The following SHISA9 variants were observed in gnomAD, a reference collection of about 807,000 sequenced individuals.
SHISA9 encodes shisa family member 9.
In SHISA9, 13 loss-of-function variants were observed where a neutral mutation model predicts 38.0. The observed-to-expected ratio is 0.34, with a 90% CI of 0.22 to 0.54. The LOEUF (loss-of-function observed/expected upper bound fraction) is 0.54, where lower values mean the gene tolerates loss of function less well. Among genes scored for constraint, SHISA9 ranks in the 20% least tolerant of loss-of-function variants. SHISA9 has a pLI of 0.91. For missense variants in SHISA9, 538 were observed against 575.8 expected (o/e 0.93, Z 0.67); for synonymous variants, 275 against 242.0 (o/e 1.14, Z -1.27).
intron 2 of SHISA9, among the ~76,000 whole-genome samples, chr16:12,926,361 A>G (rs909947735): frequency 1.3e-5 from 2 of 152,138 alleles, no homozygotes; most frequent in Non-Finnish European, 2.9e-5. Context: ...ACCAACCGAG[A>G]TAAAGTCACC....
chr16:12,946,052 A>C (rs2071684719), intron 2 of SHISA9, among the ~76,000 whole-genome samples: 1 of 152,186 alleles, frequency 6.6e-6, no homozygotes, highest in African/African-American at 2.4e-5. Flanking sequence ...AGGTTGTTAC[A>C]TGAGTTGGCT....
the SHISA9 span, among the ~76,000 whole-genome samples, chr16:13,368,010 CT>C: frequency 4.1e-4 from 63 of 152,296 alleles, no homozygotes; most frequent in African/African-American, 1.4e-3. Context: ...CACCCACTAA[CT>C]CGTCATCTAG....
At chr16:13,467,878 A>G in the SHISA9 span, among the ~76,000 whole-genome samples, 15 of 152,324 alleles carry the variant, frequency 9.8e-5, no homozygotes, top group South Asian at 4.1e-4. Flanking sequence ...AAAAGTGGAA[A>G]CACTTCAGGA....
intron 2 of SHISA9, among the ~76,000 whole-genome samples, chr16:12,982,185 C>T (rs945516490): frequency 9.8e-5 from 15 of 152,312 alleles, no homozygotes; most frequent in South Asian, 6.2e-4. Flanking sequence ...ACTTCTGCCT[C>T]GAGAGCTCAC....
intron 2 of SHISA9, among the ~76,000 whole-genome samples, chr16:12,956,669 C>T (rs778624447): frequency 5.9e-5 from 9 of 152,072 alleles, no homozygotes; most frequent in Non-Finnish European, 1.0e-4. Flanking sequence ...GGGAGGTAAA[C>T]AATGGGTAGA....
the SHISA9 span, among the ~76,000 whole-genome samples, chr16:13,294,993 T>C: frequency 1.7e-3 from 259 of 152,244 alleles, 2 homozygotes; most frequent in Non-Finnish European, 1.5e-3. Context: ...GCTTTTGTGG[T>C]AGGTATTATT....
At chr16:13,108,918 G>C (rs1008212151) in intron 2 of SHISA9, among the ~76,000 whole-genome samples, 1 of 152,180 alleles carries the variant, frequency 6.6e-6, no homozygotes. Flanking sequence ...ACCTTCCAGA[G>C]CGTGCTGAGC....
the SHISA9 span, among the ~76,000 whole-genome samples, chr16:13,369,224 C>T: frequency 6.6e-6 from 1 of 151,900 alleles, no homozygotes; most frequent in Non-Finnish European, 1.5e-5. Context: ...AAGGATATAA[C>T]ATTGTGGATA....
At chr16:13,183,533 T>G (rs570407805) in intron 2 of SHISA9, among the ~76,000 whole-genome samples, 1 of 152,358 alleles carries the variant, frequency 6.6e-6, no homozygotes, top group East Asian at 1.9e-4. Context: ...TTGTAGTTTC[T>G]TTGGACAGAA....
the SHISA9 span, among the ~76,000 whole-genome samples, chr16:13,472,628 G>T: frequency 0.036 from 5,529 of 151,918 alleles, 149 homozygotes; most frequent in African/African-American, 0.073. Flanking sequence ...TCCTGACCTC[G>T]TGATCCGCCC....
At chr16:13,482,818 G>GA in the SHISA9 span, among the ~76,000 whole-genome samples, 2 of 127,524 alleles carry the variant, frequency 1.6e-5, no homozygotes, top group Non-Finnish European at 3.3e-5. Flanking sequence ...AAAAAAAAAA[G>GA]AGAGAGAGAG....
chr16:13,168,665 G>A (rs1215403864), intron 2 of SHISA9, among the ~76,000 whole-genome samples: 1 of 152,222 alleles, frequency 6.6e-6, no homozygotes, highest in Non-Finnish European at 1.5e-5. Context: ...GGAGCAGCTA[G>A]CGAGCTGGGA....
the SHISA9 span, among the ~76,000 whole-genome samples, chr16:13,451,714 A>C: frequency 2.6e-5 from 4 of 152,354 alleles, no homozygotes; most frequent in South Asian, 8.3e-4. Context: ...AAAGGAGGAC[A>C]GCATAATGAT....
At chr16:13,372,444 T>A in the SHISA9 span, among the ~76,000 whole-genome samples, 2 of 152,152 alleles carry the variant, frequency 1.3e-5, no homozygotes, top group Admixed American at 6.5e-5. Flanking sequence ...AGGAACAAAG[T>A]CTTAGGTCTA....
At chr16:13,275,499 T>C in the SHISA9 span, among the ~76,000 whole-genome samples, 1 of 152,134 alleles carries the variant, frequency 6.6e-6, no homozygotes, top group African/African-American at 2.4e-5. Context: ...TGTAGTAATA[T>C]TTTAAGAATA....
chr16:13,526,441 T>A, the SHISA9 span, among the ~76,000 whole-genome samples: 1 of 152,200 alleles, frequency 6.6e-6, no homozygotes, highest in African/African-American at 2.4e-5. Flanking sequence ...TAGAGTGCAG[T>A]GGCGTGATCT....
intron 3 of SHISA9, among the ~76,000 whole-genome samples, chr16:13,210,621 G>A (rs2051109929): frequency 6.6e-6 from 1 of 152,116 alleles, no homozygotes; most frequent in Non-Finnish European, 1.5e-5. Context: ...CCATACATGA[G>A]GCACTTGGCC....
the SHISA9 span, among the ~76,000 whole-genome samples, chr16:13,451,625 G>A: frequency 6.6e-6 from 1 of 152,180 alleles, no homozygotes; most frequent in Non-Finnish European, 1.5e-5. Context: ...AAGGGCAAGA[G>A]AGAGAGAATT....
intron 2 of SHISA9, among the ~76,000 whole-genome samples, chr16:13,009,367 C>G (rs2072641867): frequency 6.6e-6 from 1 of 152,072 alleles, no homozygotes; most frequent in Non-Finnish European, 1.5e-5. Flanking sequence ...GGTGGGTCAG[C>G]CGGAGCAAAG....
Sources: allele counts gnomAD v4.1 joint callset (sites outside exome capture counted in the v4.1 genomes callset), GRCh38; gene constraint gnomAD v4.1.1; transcripts MANE v1.5; gene names NCBI Gene and HGNC (gene_info 2026-07-23, HGNC 2026-07-21).